The following RELN variants were observed in gnomAD, a reference collection of about 807,000 sequenced individuals.
RELN encodes the protein reelin.
RELN carries 108 observed loss-of-function variants against 427.6 expected under a neutral mutation model. The ratio of observed to expected loss-of-function variants is 0.25; its 90% CI spans 0.22 to 0.30. RELN has a LOEUF of 0.30. Ranked by LOEUF, RELN falls within the 10% of genes least tolerant of loss-of-function variation. RELN has a pLI of 1.00. For synonymous variants in RELN, 1,524 were observed against 1,513.4 expected (o/e 1.01, Z -0.16); for missense variants, 3,715 against 4,302.8 (o/e 0.86, Z 3.82).
chr7:103,934,870 A>G (rs1211224767), intron 1 of RELN, among the ~76,000 whole-genome samples: 1 of 152,234 alleles, frequency 6.6e-6, no homozygotes, highest in Non-Finnish European at 1.5e-5. Flanking sequence ...GGTGAGAATC[A>G]TAGTCTTTGA....
chr7:103,829,101 T>G (rs182167141), intron 3 of RELN, among the ~76,000 whole-genome samples: 3 of 151,928 alleles, frequency 2.0e-5, no homozygotes, highest in African/African-American at 7.2e-5. Context: ...GAGATAATAA[T>G]AGTACCGACT....
intron 3 of RELN, among the ~76,000 whole-genome samples, chr7:103,810,931 T>C (rs1179874546): frequency 6.6e-6 from 1 of 152,188 alleles, no homozygotes; most frequent in African/African-American, 2.4e-5. Context: ...TGTTTTTGCT[T>C]GGATTGGAAT....
chr7:103,484,839 C>CACATCTGG (rs1828373375), intron 61 of RELN, among the ~76,000 whole-genome samples: 2 of 152,130 alleles, frequency 1.3e-5, no homozygotes, highest in Admixed American at 1.3e-4. Context: ...CCAAGCTGAA[C>CACATCTGG]ACATCTGGAT....
At chr7:103,700,552 C>T (rs1834068247) in intron 9 of RELN, among the ~76,000 whole-genome samples, 1 of 152,088 alleles carries the variant, frequency 6.6e-6, no homozygotes, top group African/African-American at 2.4e-5. Flanking sequence ...AAGTAGTCAT[C>T]TGATGTATTT....
chr7:103,498,053 A>G, intron 54 of RELN, 24 bp downstream of exon 54: 1 of 1,612,922 alleles, frequency 6.2e-7, no homozygotes, highest in Non-Finnish European at 8.5e-7. Context: ...TGCAATAGAA[A>G]TAACTAACAA....
intron 53 of RELN, among the ~76,000 whole-genome samples, chr7:103,500,420 A>C (rs745698354): frequency 6.6e-5 from 10 of 152,164 alleles, no homozygotes; most frequent in Non-Finnish European, 1.5e-4. Context: ...CAAATAGTGC[A>C]TCAATTGAAA....
rs185813253 is a variant in RELN, at chr7:103,611,356, T to G, written c.2895+255A>C. 3.3e-5 allele frequency among the ~76,000 whole-genome samples: 5 copies of G among 152,268 alleles called. No homozygotes were observed. The East Asian group carries it at 9.7e-4, about 29-fold the overall frequency. On this transcript the variant is annotated intron_variant, in intron 21 of 64. Transcript: ENST00000428762. ...GAGAAAATAATACTCAAAACATCAT[T>G]TGAGGGTAGCCAGTTTTGGAAGTTA... is the stretch of plus-strand genomic sequence containing the variant.
chr7:103,525,185 A>G (rs1829795498), intron 46 of RELN, among the ~76,000 whole-genome samples: 1 of 152,086 alleles, frequency 6.6e-6, no homozygotes, highest in African/African-American at 2.4e-5. Context: ...CAGGTCTCAG[A>G]GGAAATGTCA....
chr7:103,495,175 CTTTTTTTTT>C (rs68172294), intron 57 of RELN, among the ~76,000 whole-genome samples: 1 of 125,388 alleles, frequency 8.0e-6, no homozygotes, highest in Admixed American at 8.5e-5. Context: ...AAAGTAATTC[CTTTTTTTTT>C]TTTTTTTTTT....
chr7:103,613,250 G>T (rs1408593017), intron 20 of RELN, among the ~76,000 whole-genome samples: 1 of 152,042 alleles, frequency 6.6e-6, no homozygotes, highest in Non-Finnish European at 1.5e-5. Flanking sequence ...CTATATCTTT[G>T]TTTTTCTGTT....
At chr7:103,785,904 T>G (rs986015547) in intron 3 of RELN, among the ~76,000 whole-genome samples, 1 of 151,976 alleles carries the variant, frequency 6.6e-6, no homozygotes, top group East Asian at 1.9e-4. Flanking sequence ...AAGCTGTTTT[T>G]GATCTTAAAA....
intron 1 of RELN, among the ~76,000 whole-genome samples, chr7:103,940,221 C>G (rs1796083056): frequency 6.6e-6 from 1 of 152,318 alleles, no homozygotes; most frequent in East Asian, 1.9e-4. Flanking sequence ...AGTTTCACTA[C>G]TTGTTGGCTG....
intron 11 of RELN, among the ~76,000 whole-genome samples, chr7:103,664,465 T>C (rs1833213823): frequency 6.6e-6 from 1 of 152,224 alleles, no homozygotes; most frequent in South Asian, 2.1e-4. Flanking sequence ...GATCATTTTC[T>C]GTGTTCTGGG....
At chr7:103,918,721 T>C (rs1225480883) in intron 1 of RELN, among the ~76,000 whole-genome samples, 1 of 152,162 alleles carries the variant, frequency 6.6e-6, no homozygotes, top group African/African-American at 2.4e-5. Flanking sequence ...AGAGGAAAAG[T>C]ATGTTATGAA....
chr7:103,686,722 T>C (rs537060041), intron 10 of RELN, among the ~76,000 whole-genome samples: 112 of 152,274 alleles, frequency 7.4e-4, no homozygotes, highest in African/African-American at 2.6e-3. Flanking sequence ...TTCAAGTCTT[T>C]TACTATGCTA....
chr7:103,756,227 CT>C (rs1438818946), intron 4 of RELN, among the ~76,000 whole-genome samples: 2 of 152,142 alleles, frequency 1.3e-5, no homozygotes, highest in Non-Finnish European at 2.9e-5. Flanking sequence ...GAAGCTTTCA[CT>C]GAAACATATA....
At chr7:103,489,202 G>GT (rs779783852) in intron 60 of RELN, among the ~76,000 whole-genome samples, 8,319 of 136,060 alleles carry the variant, frequency 0.061, 307 homozygotes, top group East Asian at 0.16. Context: ...AGTCATAAAG[G>GT]GGTGTGTGTG....
chr7:103,801,769 AG>A (rs1218717014), intron 3 of RELN, among the ~76,000 whole-genome samples: 1 of 152,144 alleles, frequency 6.6e-6, no homozygotes, highest in Admixed American at 6.5e-5. Context: ...CACTAATGAT[AG>A]TACCCACCTC....
chr7:103,898,505 T>C (rs1795011192), intron 2 of RELN, among the ~76,000 whole-genome samples: 1 of 151,992 alleles, frequency 6.6e-6, no homozygotes, highest in African/African-American at 2.4e-5. Context: ...ATGGCTCTGT[T>C]TATATAGTGT....
Sources: allele counts gnomAD v4.1 joint callset (sites outside exome capture counted in the v4.1 genomes callset), GRCh38; gene constraint gnomAD v4.1.1; transcripts MANE v1.5; gene names NCBI Gene and HGNC (gene_info 2026-07-23, HGNC 2026-07-21).